Variants in DNM3 observed in about 807,000 individuals in gnomAD.
DNM3 encodes the protein dynamin 3.
DNM3 carries 47 observed loss-of-function variants against 101.6 expected under a neutral mutation model. That is an observed-to-expected ratio of 0.46 (90% CI 0.37 to 0.59). The LOEUF (loss-of-function observed/expected upper bound fraction) is 0.59, where lower values mean the gene tolerates loss of function less well. Ranked by LOEUF, DNM3 falls within the 20% of genes least tolerant of loss-of-function variation. The pLI is 0.00. For missense variants in DNM3, 849 were observed against 1,085.7 expected (o/e 0.78, Z 3.06); for synonymous variants, 385 against 387.9 (o/e 0.99, Z 0.09).
chr1:172,216,740 TACACACACACACATGCACACACAC>T (rs2060713742), intron 14 of DNM3, among the ~76,000 whole-genome samples: 1 of 150,374 alleles, frequency 6.7e-6, no homozygotes, highest in Non-Finnish European at 1.5e-5. Context: ...GTAGAGGGAA[TACACACACACACATGCACACACAC>T]ACACACACAC....
chr1:172,347,701 T>C (rs1374339545), intron 17 of DNM3, among the ~76,000 whole-genome samples: 2 of 152,156 alleles, frequency 1.3e-5, no homozygotes, highest in Non-Finnish European at 2.9e-5. Context: ...AGTTCTAACA[T>C]GTTCTAATCA....
At chr1:172,381,073 A>ACACACACACACACACATGTGCG (rs2068874588) in intron 18 of DNM3, 2 of 29,934 alleles carry the variant, frequency 6.7e-5, no homozygotes, top group Non-Finnish European at 4.1e-4. Context: ...ACATATGCGC[A>ACACACACACACACACATGTGCG]CACACACACA....
intron 15 of DNM3, among the ~76,000 whole-genome samples, chr1:172,257,601 G>A (rs540212184): frequency 5.3e-4 from 80 of 151,834 alleles, no homozygotes; most frequent in African/African-American, 1.7e-3. Context: ...ATATTTATAC[G>A]TATTTATGGA....
intron 20 of DNM3, among the ~76,000 whole-genome samples, chr1:172,407,410 T>G (rs1245070922): frequency 6.6e-6 from 1 of 152,104 alleles, no homozygotes. Context: ...AAAGCCATCA[T>G]TGTCTGAAAC....
Position 172,312,537 on chromosome 1 carries a change from G to C in DNM3, c.1881+3698G>C, listed in dbSNP as rs149625997. Among the ~76,000 whole-genome samples the C allele has an allele frequency of 1.5e-4, 23 of 152,056 alleles. No homozygotes were observed. In the East Asian group the frequency reaches 4.4e-3, roughly 29 times the overall value. On this transcript the variant is annotated intron_variant, in intron 16 of 20. Transcript: ENST00000627582. Reference sequence around the variant, plus strand: ...CTCACTATATATTTTTTTCCATCACGTCCAAGTGATGGAATGGTTTTATGT... The same window carrying C: ...CTCACTATATATTTTTTTCCATCACCTCCAAGTGATGGAATGGTTTTATGT...
chr1:172,215,527 C>T (rs2060661885), intron 14 of DNM3, among the ~76,000 whole-genome samples: 1 of 151,572 alleles, frequency 6.6e-6, no homozygotes, highest in Admixed American at 6.6e-5. Flanking sequence ...AGGAGCAATC[C>T]AAAGGTTGAA....
intron 15 of DNM3, among the ~76,000 whole-genome samples, chr1:172,267,723 TA>T (rs201533094): frequency 2.4e-4 from 37 of 151,774 alleles, no homozygotes; most frequent in Admixed American, 3.3e-4. Flanking sequence ...CTTTTTTTTT[TA>T]TTTTTAGAGA....
intron 14 of DNM3, among the ~76,000 whole-genome samples, chr1:172,226,741 G>C (rs1573022482): frequency 2.0e-5 from 3 of 152,132 alleles, no homozygotes; most frequent in Middle Eastern, 6.8e-3. Flanking sequence ...TTTTTAGCTA[G>C]TCCCCATTTG....
intron 11 of DNM3, among the ~76,000 whole-genome samples, chr1:172,079,673 G>A (rs190784546): frequency 6.6e-6 from 1 of 152,250 alleles, no homozygotes; most frequent in Non-Finnish European, 1.5e-5. Flanking sequence ...CTGGCAAGGA[G>A]TTGCGATCCT....
intron 17 of DNM3, among the ~76,000 whole-genome samples, chr1:172,348,686 ATT>A (rs994654873): frequency 6.6e-6 from 1 of 152,222 alleles, no homozygotes; most frequent in Admixed American, 6.6e-5. Flanking sequence ...ATTTGGTAAA[ATT>A]TACATGTATT....
At chr1:172,089,399 A>G (rs1401140025) in intron 12 of DNM3, among the ~76,000 whole-genome samples, 2 of 152,228 alleles carry the variant, frequency 1.3e-5, no homozygotes, top group African/African-American at 2.4e-5. Flanking sequence ...AACTATATCC[A>G]AGAACATGTC....
intron 17 of DNM3, among the ~76,000 whole-genome samples, chr1:172,371,262 A>T (rs546299693): frequency 1.1e-4 from 17 of 152,136 alleles, no homozygotes; most frequent in African/African-American, 4.1e-4. Context: ...CAGTGTTCTC[A>T]TATTCAGATA....
At chr1:172,294,207 G>C (rs1237330129) in intron 15 of DNM3, among the ~76,000 whole-genome samples, 2 of 152,146 alleles carry the variant, frequency 1.3e-5, no homozygotes, top group Non-Finnish European at 2.9e-5. Flanking sequence ...AAACTTTCAT[G>C]CTTGGAGAAT....
At chr1:171,890,604 G>T (rs2037181984) in intron 1 of DNM3, among the ~76,000 whole-genome samples, 1 of 152,094 alleles carries the variant, frequency 6.6e-6, no homozygotes, top group Non-Finnish European at 1.5e-5. Context: ...ACTGGGAAAA[G>T]ATATCATTAA....
At chr1:172,373,954 A>G (rs1241048948) in intron 17 of DNM3, among the ~76,000 whole-genome samples, 1 of 152,012 alleles carries the variant, frequency 6.6e-6, no homozygotes, top group East Asian at 1.9e-4. Flanking sequence ...GCTCCTTTAA[A>G]TTTTAATTTA....
At chr1:171,942,114 A>C (rs2041853555) in intron 2 of DNM3, among the ~76,000 whole-genome samples, 1 of 151,846 alleles carries the variant, frequency 6.6e-6, no homozygotes. Context: ...GACTTAGCAA[A>C]GGTGGCTTGG....
chr1:172,337,710 C>A (rs184178614), intron 17 of DNM3, among the ~76,000 whole-genome samples: 60 of 152,148 alleles, frequency 3.9e-4, no homozygotes, highest in African/African-American at 1.4e-3. Flanking sequence ...TCCACTAGCT[C>A]AAGTTTTCTC....
At chr1:172,205,041 G>GAGT (rs2148499665) in intron 14 of DNM3, among the ~76,000 whole-genome samples, 1 of 152,248 alleles carries the variant, frequency 6.6e-6, no homozygotes, top group Admixed American at 6.5e-5. Flanking sequence ...TAAAGACATT[G>GAGT]TTCTGTGAAA....
At chr1:171,939,557 A>G (rs1255752318) in intron 2 of DNM3, among the ~76,000 whole-genome samples, 1 of 152,174 alleles carries the variant, frequency 6.6e-6, no homozygotes, top group Non-Finnish European at 1.5e-5. Context: ...GATCGGATGG[A>G]AGAAAGACAA....
Sources: gnomAD v4.1 joint callset for allele counts (sites outside exome capture counted in the v4.1 genomes callset) on GRCh38, gnomAD v4.1.1 for gene constraint, MANE v1.5 for transcripts, NCBI Gene and HGNC (gene_info 2026-07-23, HGNC 2026-07-21) for gene names.